Variants in GPHN observed in about 807,000 individuals in gnomAD.
GPHN encodes gephyrin.
In GPHN, 17 loss-of-function variants were observed where a neutral mutation model predicts 95.5. The observed-to-expected ratio is 0.18, with a 90% CI of 0.12 to 0.27. GPHN has a LOEUF of 0.27. GPHN is among the 10% of genes least tolerant of loss of function. The pLI is 1.00. For missense variants in GPHN, 660 were observed against 978.1 expected (o/e 0.67, Z 4.34); for synonymous variants, 320 against 322.5 (o/e 0.99, Z 0.08).
At chr14:67,312,479 C>A in the GPHN span, 5 of 1,334,934 alleles carry the variant, frequency 3.7e-6, no homozygotes, top group South Asian at 2.0e-5. Flanking sequence ...TCATATGAAA[C>A]ATTTTATATT....
chr14:66,676,531 A>G (rs776140743), intron 1 of GPHN, among the ~76,000 whole-genome samples: 1 of 152,184 alleles, frequency 6.6e-6, no homozygotes, highest in Non-Finnish European at 1.5e-5. Context: ...GAATTTTATC[A>G]GATGCTTTCT....
intron 16 of GPHN, among the ~76,000 whole-genome samples, chr14:67,120,105 A>G (rs950040503): frequency 6.6e-6 from 1 of 151,530 alleles, no homozygotes. Flanking sequence ...CAGCCTGTGC[A>G]ACAGAATAAG....
rs2076407430 is a variant in GPHN, at chr14:67,074,100, T to C, written c.1145-14883T>C. Among the ~76,000 whole-genome samples the C allele has an allele frequency of 2.6e-5, 4 of 152,164 alleles. No individual in the cohort carries two copies. The South Asian group carries it at 8.3e-4, about 32-fold the overall frequency. ...GAGGGCATCCACCATGTTAAATGTT[T>C]ATTTTAGTATCTCATAAATAGCCGT... On this transcript the variant is annotated intron_variant, in intron 11 of 22. Coordinates refer to ENST00000478722, the MANE Select transcript of GPHN (RefSeq NM_020806.5).
At chr14:67,253,687 A>G in the GPHN span, among the ~76,000 whole-genome samples, 1 of 152,130 alleles carries the variant, frequency 6.6e-6, no homozygotes, top group Admixed American at 6.6e-5. Flanking sequence ...CCTACAAAAA[A>G]TACAAAAAAA....
the GPHN span, chr14:67,684,515 T>C: frequency 6.6e-6 from 1 of 152,270 alleles, no homozygotes; most frequent in African/African-American, 2.4e-5. Flanking sequence ...ATTTTAAATG[T>C]CTTCGCTTAT....
At chr14:66,874,719 A>G (rs994206623) in intron 4 of GPHN, among the ~76,000 whole-genome samples, 111 of 152,306 alleles carry the variant, frequency 7.3e-4, no homozygotes, top group African/African-American at 2.5e-3. Flanking sequence ...AAAAGAATGA[A>G]AAGGAATGAA....
chr14:67,464,763 C>T, the GPHN span, among the ~76,000 whole-genome samples: 3 of 152,200 alleles, frequency 2.0e-5, no homozygotes, highest in South Asian at 2.1e-4. Context: ...AATTGTATCA[C>T]GATCTGTTAT....
At chr14:67,449,202 T>C in the GPHN span, among the ~76,000 whole-genome samples, 1 of 152,076 alleles carries the variant, frequency 6.6e-6, no homozygotes, top group Non-Finnish European at 1.5e-5. Context: ...ATACTAAGAG[T>C]CTGAAAATTA....
intron 10 of GPHN, among the ~76,000 whole-genome samples, chr14:67,035,960 A>T (rs2153633204): frequency 6.6e-6 from 1 of 151,866 alleles, no homozygotes; most frequent in African/African-American, 2.4e-5. Flanking sequence ...AAAAAAGATA[A>T]CTGATAAAAA....
At chr14:66,718,167 A>G (rs2070370758) in intron 2 of GPHN, among the ~76,000 whole-genome samples, 2 of 152,166 alleles carry the variant, frequency 1.3e-5, no homozygotes, top group African/African-American at 2.4e-5. Flanking sequence ...GACTTCAAGA[A>G]TGAAGCTGTG....
At chr14:66,908,306 G>A (rs61095004) in intron 5 of GPHN, among the ~76,000 whole-genome samples, 27,635 of 151,656 alleles carry the variant, frequency 0.18, 2,936 homozygotes, top group Non-Finnish European at 0.24. Flanking sequence ...ACACATTGGC[G>A]GGTATATATT....
At chr14:67,651,080 A>T in the GPHN span, 1 of 958,254 alleles carries the variant, frequency 1.0e-6, no homozygotes, top group Non-Finnish European at 1.5e-6. Flanking sequence ...TTTGGTGACC[A>T]ATACTACTGT....
At chr14:67,589,296 C>T in the GPHN span, 1 of 962,450 alleles carries the variant, frequency 1.0e-6, no homozygotes, top group African/African-American at 1.8e-5. Context: ...AAGAAACTAA[C>T]TTAGAAACAA....
chr14:67,593,472 C>T, the GPHN span: 4 of 357,702 alleles, frequency 1.1e-5, no homozygotes, highest in African/African-American at 9.3e-5. Context: ...GCCTGGGCAA[C>T]AGAGTGAGAC....
chr14:67,391,909 G>C, the GPHN span, among the ~76,000 whole-genome samples: 1 of 152,194 alleles, frequency 6.6e-6, no homozygotes, highest in African/African-American at 2.4e-5. Context: ...AGCTCAGAAA[G>C]TGTATCAAGG....
intron 8 of GPHN, among the ~76,000 whole-genome samples, chr14:66,934,476 T>C (rs1035085928): frequency 2.0e-5 from 3 of 152,194 alleles, no homozygotes; most frequent in African/African-American, 7.2e-5. Flanking sequence ...CCAGTGTAGG[T>C]TGTCTTAATA....
At chr14:67,588,890 G>T in the GPHN span, 1 of 152,606 alleles carries the variant, frequency 6.6e-6, no homozygotes, top group East Asian at 1.9e-4. Flanking sequence ...GATGAAAAAA[G>T]AAGCACATCC....
intron 2 of GPHN, among the ~76,000 whole-genome samples, chr14:66,764,056 A>T (rs981846997): frequency 2.6e-5 from 4 of 152,216 alleles, no homozygotes; most frequent in Admixed American, 2.0e-4. Flanking sequence ...TTGTGATGAC[A>T]TGTATAATTA....
chr14:67,316,088 A>C, the GPHN span, among the ~76,000 whole-genome samples: 1 of 152,246 alleles, frequency 6.6e-6, no homozygotes, highest in Non-Finnish European at 1.5e-5. Flanking sequence ...ACTGAAAAAA[A>C]GTAGATTTAA....
Sources: allele counts gnomAD v4.1 joint callset (sites outside exome capture counted in the v4.1 genomes callset), GRCh38; gene constraint gnomAD v4.1.1; transcripts MANE v1.5; gene names NCBI Gene and HGNC (gene_info 2026-07-23, HGNC 2026-07-21).